The following PDIA5 variants were observed in gnomAD, a reference collection of about 807,000 sequenced individuals.
PDIA5 encodes protein disulfide-isomerase A5.
In PDIA5, 58 loss-of-function variants were observed where a neutral mutation model predicts 77.6. The observed-to-expected ratio is 0.75, with a 90% confidence interval of 0.61 to 0.93. PDIA5 has a LOEUF of 0.93. Ranked by LOEUF, PDIA5 falls within the 40% of genes least tolerant of loss-of-function variation. The pLI is 0.00. For synonymous variants in PDIA5, 250 were observed against 252.1 expected, an observed-to-expected ratio of 0.99 and a Z score of 0.08; for missense variants, 630 against 647.7, an observed-to-expected ratio of 0.97 and a Z score of 0.30.
chr3:123,146,410 A>G (rs1935774545), intron 13 of PDIA5, 151 bp downstream of exon 13: 2 of 636,720 alleles, frequency 3.1e-6, no homozygotes, highest in East Asian at 5.5e-5. Flanking sequence ...CCCTAAAACC[A>G]CCGTTCATAT....
At chr3:123,112,534 CTTTTTTTTTTTTTTTTT>C (rs55977938) in intron 7 of PDIA5, among the ~76,000 whole-genome samples, 1 of 61,454 alleles carries the variant, frequency 1.6e-5, no homozygotes, top group African/African-American at 6.9e-5. Flanking sequence ...CAGCCCTATT[CTTTTTTTTTTTTTTTTT>C]TTTTTTTTTG....
At chr3:123,161,850 T>C in intron 16 of PDIA5, 30 bp from the exon 17 acceptor site, 1 of 1,144,982 alleles carries the variant, frequency 8.7e-7, no homozygotes, top group Non-Finnish European at 1.3e-6. Flanking sequence ...TAAAGCTCTT[T>C]CTCTCTCTCT....
intron 1 of PDIA5, among the ~76,000 whole-genome samples, chr3:123,070,282 T>C (rs9878056): frequency 1 from 151,830 of 152,278 alleles, 75,694 homozygotes; most frequent in Non-Finnish European, 1. Flanking sequence ...AAACCAAATC[T>C]GAGGGTGGCT....
In PDIA5 at chr3:123,161,705, G is replaced by C. The variant is rs76830447; in HGVS notation, c.1480-175G>C. 602 of 656,690 alleles carry C rather than the reference G, an allele frequency of 9.2e-4. 3 individuals carry two copies. The African/African-American group carries it at 0.01, about 11-fold the overall frequency. 40.7% of individuals were successfully genotyped at this position (656,690 alleles called of 1,614,324 possible). ...CCAGATGCCGAGGGTTTTCTCACTT[G>C]CTGGTCGGGGCTGGTGCAAGCCACG... On this transcript the variant is annotated intron_variant, in intron 16 of 16. Coordinates refer to ENST00000316218, the MANE Select transcript of PDIA5 (RefSeq NM_006810.4).
intron 3 of PDIA5, among the ~76,000 whole-genome samples, chr3:123,093,045 G>A (rs576740999): frequency 6.6e-6 from 1 of 152,264 alleles, no homozygotes; most frequent in Admixed American, 6.5e-5. Flanking sequence ...GAGCTTTTAT[G>A]GCACCCACTC....
At chr3:123,085,513 T>C (rs894227779) in intron 1 of PDIA5, among the ~76,000 whole-genome samples, 2 of 152,196 alleles carry the variant, frequency 1.3e-5, no homozygotes, top group Non-Finnish European at 2.9e-5. Context: ...TTTAATCTCA[T>C]TGGCCCTGGG....
chr3:123,161,449 C>T lies in PDIA5; in HGVS notation c.1473C>T (p.Asp491=). ...YGKFAEKYDS[D]RTELGFTNYI... ...AGTTCGCAGAAAAGTATGACAGCGACCGCACAGTAAGTGGGGGAGAGGCGT... is the reference window on the plus strand; with the variant it reads ...AGTTCGCAGAAAAGTATGACAGCGATCGCACAGTAAGTGGGGGAGAGGCGT... Residue 491 remains aspartate, a synonymous_variant, in exon 16 of 17, where the codon GAC becomes GAT. Transcript: ENST00000316218. 5 of 1,613,724 alleles carry T rather than the reference C, an allele frequency of 3.1e-6. No individual in the cohort carries two copies. The highest frequency in any genetic ancestry group is 4.2e-6 in the Non-Finnish European group (5 of 1,179,864).
intron 1 of PDIA5, among the ~76,000 whole-genome samples, chr3:123,075,022 T>C (rs1576430939): frequency 6.6e-6 from 1 of 152,262 alleles, no homozygotes; most frequent in East Asian, 1.9e-4. Context: ...ATTATTTCTG[T>C]TTGGTAAAGA....
At chr3:123,082,637 A>T (rs1294406669) in intron 1 of PDIA5, among the ~76,000 whole-genome samples, 1 of 151,954 alleles carries the variant, frequency 6.6e-6, no homozygotes, top group African/African-American at 2.4e-5. Context: ...CCTGGAGAGG[A>T]AGAGGTGGTC....
intron 8 of PDIA5, among the ~76,000 whole-genome samples, chr3:123,122,564 GAGGCAC>G (rs1369914561): frequency 3.9e-5 from 6 of 152,236 alleles, no homozygotes; most frequent in African/African-American, 1.4e-4. Context: ...GGAGAGGCCA[GAGGCAC>G]AGTGGCTCCC....
chr3:123,153,959 G>A (rs1935966916), intron 14 of PDIA5, among the ~76,000 whole-genome samples: 1 of 152,210 alleles, frequency 6.6e-6, no homozygotes, highest in East Asian at 1.9e-4. Flanking sequence ...CTTGCTCAGG[G>A]AAACCCTCCC....
intron 8 of PDIA5, among the ~76,000 whole-genome samples, chr3:123,119,770 A>G (rs1274693031): frequency 6.6e-6 from 1 of 152,208 alleles, no homozygotes; most frequent in Non-Finnish European, 1.5e-5. Flanking sequence ...CGCTGCTGAA[A>G]CACAGCTGGA....
intron 6 of PDIA5, among the ~76,000 whole-genome samples, chr3:123,107,830 G>A (rs180765250): frequency 2.0e-5 from 3 of 152,080 alleles, no homozygotes; most frequent in East Asian, 1.9e-4. Flanking sequence ...ACAGGATCTC[G>A]CTCTGTCACC....
chr3:123,099,928 G>A (rs10084675), intron 3 of PDIA5, among the ~76,000 whole-genome samples: 29,516 of 152,256 alleles, frequency 0.19, 2,875 homozygotes, highest in Non-Finnish European at 0.22. Context: ...GCCTTGCAGC[G>A]TCTGAGCCCC....
intron 1 of PDIA5, among the ~76,000 whole-genome samples, chr3:123,080,585 A>T (rs1933973596): frequency 6.6e-6 from 1 of 152,214 alleles, no homozygotes; most frequent in Non-Finnish European, 1.5e-5. Flanking sequence ...ACTGGGAAGA[A>T]CACTGGGTAA....
chr3:123,080,109 G>A (rs1045486782), intron 1 of PDIA5, among the ~76,000 whole-genome samples: 4 of 151,774 alleles, frequency 2.6e-5, no homozygotes, highest in African/African-American at 7.2e-5. Flanking sequence ...TAAAAGAGAC[G>A]TGTTTGCTGT....
At chr3:123,114,962 G>A (rs1576449383) in intron 7 of PDIA5, among the ~76,000 whole-genome samples, 2 of 152,200 alleles carry the variant, frequency 1.3e-5, no homozygotes, top group African/African-American at 2.4e-5. Flanking sequence ...ATGGCCAAAT[G>A]TCCTGTGTCT....
intron 14 of PDIA5, among the ~76,000 whole-genome samples, chr3:123,153,622 C>T (rs985511604): frequency 6.6e-6 from 1 of 152,226 alleles, no homozygotes; most frequent in African/African-American, 2.4e-5. Context: ...CTCTTCTGCT[C>T]CTTCTGCATG....
chr3:123,130,481 C>T lies in PDIA5; in HGVS notation c.775C>T (p.Pro259Ser), dbSNP rs1935346010. The part of the protein sequence containing the change: ...AEDIVEWLKN[P>S]QPPQPQVPET... The stretch of plus-strand genomic sequence containing the variant: ...CTCTGCCTGTTTTTGGTCTTCCAGT[C>T]CGCAGCCGCCACAGCCCCAGGTCCC... The change falls in exon 11 of 17, where the codon CCG (proline) becomes TCG (serine). Residue 259 changes from proline (P) to serine (S), a missense_variant and splice_region_variant. Transcript: ENST00000316218. The T allele has an allele frequency of 1.2e-6, 2 of 1,612,930 alleles. No homozygotes were observed. Among genetic ancestry groups the T allele is most frequent in the Non-Finnish European group, 1.7e-6 (2 of 1,179,492 alleles).
Sources: allele counts gnomAD v4.1 joint callset (sites outside exome capture counted in the v4.1 genomes callset), GRCh38; gene constraint gnomAD v4.1.1; transcripts MANE v1.5; gene names NCBI Gene and HGNC (gene_info 2026-07-23, HGNC 2026-07-21).